IGF2BP3: variants seen among roughly 807,000 people sequenced by gnomAD.
IGF2BP3 encodes the protein insulin-like growth factor 2 mRNA-binding protein 3.
A neutral mutation model predicts 73.8 loss-of-function variants in IGF2BP3; 9 were observed. The ratio of observed to expected loss-of-function variants is 0.12; its 90% CI spans 0.07 to 0.21. The LOEUF is 0.21. Ranked by LOEUF, IGF2BP3 falls within the 10% of genes least tolerant of loss-of-function variation. IGF2BP3 has a pLI of 1.00. For missense variants in IGF2BP3, 542 were observed against 714.0 expected (o/e 0.76, Z 2.75); for synonymous variants, 258 against 256.7 (o/e 1.01, Z -0.05).
chr7:23,442,861 T>G lies in IGF2BP3; in HGVS notation c.237-24037A>C, dbSNP rs555041044. On this transcript the variant is annotated intron_variant, in intron 2 of 14. Transcript: ENST00000258729. ...CTAAAATGTCCATCTAGTCCTTTGA[T>G]AAATTCAGAGATTTATGGTGGCAGT... 2.0e-5 allele frequency among the ~76,000 whole-genome samples: 3 copies of G among 152,310 alleles called. No homozygotes were observed. In the East Asian group the frequency reaches 5.8e-4, roughly 29 times the overall value.
intron 2 of IGF2BP3, among the ~76,000 whole-genome samples, chr7:23,432,413 C>T (rs1220357676): frequency 1.3e-5 from 2 of 152,070 alleles, no homozygotes; most frequent in Admixed American, 6.6e-5. Context: ...TAACACTGTT[C>T]GAAAGACAAT....
intron 3 of IGF2BP3, among the ~76,000 whole-genome samples, chr7:23,396,147 T>C (rs1216851432): frequency 1.3e-5 from 2 of 151,664 alleles, no homozygotes; most frequent in Admixed American, 6.6e-5. Context: ...ACACCAGCCA[T>C]TGTTCTGGGT....
rs559286597 is a variant in IGF2BP3 at position 23,317,683 on chromosome 7, C to T, written c.1351G>A (p.Val451Met). 6.2e-7 allele frequency: 1 copy of T among 1,614,182 alleles called. No individual in the cohort carries two copies. The highest frequency in any genetic ancestry group is 2.2e-5 in the East Asian group (1 of 44,890). Residue 451 changes from valine (V) to methionine (M), a missense_variant, in exon 12 of 15, where the codon GTG becomes ATG. By Grantham distance (21) the Val-to-Met change is conservative. Transcript: ENST00000258729. ...GGTCCAGTGATAATCACCATCCTCA[C>T]TTTAGCATCTGGTGCTTCCGCTGGA... ...IAPAEAPDAK[V>M]RMVIITGPPE...
In IGF2BP3 at chr7:23,319,158, A is replaced by G. The variant is rs1161075703; in HGVS notation, c.1300T>C (p.Phe434Leu). 6.2e-7 allele frequency: 1 copy of G among 1,613,174 alleles called. No individual in the cohort carries two copies. The highest frequency in any genetic ancestry group is 8.5e-7 in the Non-Finnish European group (1 of 1,179,404). The change falls in exon 11 of 15, where the codon TTT (phenylalanine) becomes CTT (leucine). Residue 434 changes from phenylalanine (F) to leucine (L), a missense_variant. Around this residue, in one of 2 missense-constraint regions of IGF2BP3, gnomAD observed 303 missense variants for 472.1 expected, o/e 0.64. Transcript: ENST00000258729. ...QGQHIKQLSRFAGASIKIAPA... is the reference protein window; with the variant it reads ...QGQHIKQLSRLAGASIKIAPA... ...AGTACCTTAATTGAAGCTCCAGCAAAGCGAGAAAGCTGCTTGATGTGCTGG... is the reference window on the plus strand; with the variant it reads ...AGTACCTTAATTGAAGCTCCAGCAAGGCGAGAAAGCTGCTTGATGTGCTGG...
At chr7:23,352,871 T>G (rs569846572) in intron 5 of IGF2BP3, among the ~76,000 whole-genome samples, 1 of 152,338 alleles carries the variant, frequency 6.6e-6, no homozygotes, top group South Asian at 2.1e-4. Context: ...AACTTTTAAT[T>G]TATTGTAATA....
chr7:23,344,723 A>T (rs1412191750), intron 8 of IGF2BP3, among the ~76,000 whole-genome samples: 1 of 152,260 alleles, frequency 6.6e-6, no homozygotes, highest in East Asian at 1.9e-4. Context: ...TCTCATTTTC[A>T]CTACTAGTAT....
intron 2 of IGF2BP3, 144 bp downstream of exon 2, chr7:23,468,338 A>C: frequency 1.2e-6 from 1 of 824,628 alleles, no homozygotes; most frequent in South Asian, 1.5e-5. Flanking sequence ...CCCCCGCCAT[A>C]AACTTAAAAG....
chr7:23,361,384 A>C (rs1466969737), intron 5 of IGF2BP3, 150 bp downstream of exon 5: 1 of 600,254 alleles, frequency 1.7e-6, no homozygotes, highest in African/African-American at 1.9e-5. Flanking sequence ...ATTCAAACTT[A>C]AAAAGAAAGG....
At chr7:23,316,883 T>A (rs1784006858) in intron 12 of IGF2BP3, among the ~76,000 whole-genome samples, 1 of 152,132 alleles carries the variant, frequency 6.6e-6, no homozygotes, top group Admixed American at 6.6e-5. Context: ...GCACGCTAAT[T>A]TTGTGCTGCC....
chr7:23,315,686 C>T (rs545827543), intron 12 of IGF2BP3, among the ~76,000 whole-genome samples: 2 of 152,224 alleles, frequency 1.3e-5, no homozygotes, highest in South Asian at 2.1e-4. Context: ...AGGCCAATGA[C>T]GTAGATATTA....
intron 3 of IGF2BP3, among the ~76,000 whole-genome samples, chr7:23,407,504 G>A (rs1200435565): frequency 1.3e-5 from 2 of 151,650 alleles, no homozygotes; most frequent in Non-Finnish European, 2.9e-5. Context: ...AGCTACCTGG[G>A]AGGCCGAGGC....
chr7:23,384,095 C>CA (rs35378177), intron 3 of IGF2BP3, among the ~76,000 whole-genome samples: 12,815 of 61,866 alleles, frequency 0.21, 1,081 homozygotes, highest in Non-Finnish European at 0.24. Context: ...GACTCCATCT[C>CA]AAAAAAAAAA....
Position 23,312,803 on chromosome 7 carries a change from G to A in IGF2BP3, c.1573C>T (p.Arg525Cys), listed in dbSNP as rs78711689. 1.4e-5 allele frequency: 22 copies of A among 1,612,930 alleles called. No homozygotes were observed. The highest frequency in any genetic ancestry group is 1.7e-5 in the Non-Finnish European group (20 of 1,179,690). ...NLSSAEVVVPRDQTPDENDQV... is the reference protein window; with the variant it reads ...NLSSAEVVVPCDQTPDENDQV... ...TCATTCTCATCAGGTGTCTGGTCAC[G>A]AGGGACAACAACTTCTGCACTTGAC... Residue 525 changes from arginine to cysteine, a missense_variant, in exon 14 of 15, where the codon CGT becomes TGT. By Grantham distance (180) the Arg-to-Cys change is radical. Transcript: ENST00000258729.
intron 2 of IGF2BP3, among the ~76,000 whole-genome samples, chr7:23,440,068 C>G (rs1787895578): frequency 6.6e-6 from 1 of 152,098 alleles, no homozygotes; most frequent in Non-Finnish European, 1.5e-5. Flanking sequence ...TCGAGACCAT[C>G]CTGGCTAATA....
chr7:23,440,235 C>G (rs1787899731), intron 2 of IGF2BP3, among the ~76,000 whole-genome samples: 1 of 151,334 alleles, frequency 6.6e-6, no homozygotes. Context: ...TGCACTCCAG[C>G]CTGGACAACA....
At chr7:23,384,632 G>A (rs1161707044) in intron 3 of IGF2BP3, among the ~76,000 whole-genome samples, 1 of 152,140 alleles carries the variant, frequency 6.6e-6, no homozygotes, top group African/African-American at 2.4e-5. Context: ...GGCTCATACT[G>A]TAATCCCAGC....
chr7:23,321,982 G>A (rs893397949), intron 10 of IGF2BP3, among the ~76,000 whole-genome samples: 32 of 152,144 alleles, frequency 2.1e-4, no homozygotes, highest in African/African-American at 7.5e-4. Context: ...AAAAAACAGA[G>A]CAAAAAAACT....
intron 3 of IGF2BP3, among the ~76,000 whole-genome samples, chr7:23,410,394 G>A (rs1176318099): frequency 6.6e-6 from 1 of 152,090 alleles, no homozygotes; most frequent in Non-Finnish European, 1.5e-5. Flanking sequence ...CCTTTAAGAT[G>A]ATCATATCCA....
chr7:23,356,705 C>T (rs1785105344), intron 5 of IGF2BP3, among the ~76,000 whole-genome samples: 1 of 152,116 alleles, frequency 6.6e-6, no homozygotes, highest in African/African-American at 2.4e-5. Flanking sequence ...CAATTATCTC[C>T]TTGTATCAAG....
Sources: allele counts gnomAD v4.1 joint callset (sites outside exome capture counted in the v4.1 genomes callset), GRCh38; gene constraint gnomAD v4.1.1; regional missense constraint gnomAD v4.1.1; transcripts MANE v1.5; gene names NCBI Gene and HGNC (gene_info 2026-07-23, HGNC 2026-07-21).